SLC24A3: variants seen among roughly 807,000 people sequenced by gnomAD.
SLC24A3 encodes sodium/potassium/calcium exchanger 3.
A neutral mutation model predicts 75.8 loss-of-function variants in SLC24A3; 28 were observed. That is an observed-to-expected ratio of 0.37 (90% CI 0.27 to 0.51). The LOEUF is 0.51. Among genes scored for constraint, SLC24A3 ranks in the 20% least tolerant of loss-of-function variants. The pLI is 0.94. For missense variants in SLC24A3, 663 were observed against 847.8 expected, an observed-to-expected ratio of 0.78 and a Z score of 2.71; for synonymous variants, 372 against 334.1, an observed-to-expected ratio of 1.11 and a Z score of -1.24.
intron 2 of SLC24A3, among the ~76,000 whole-genome samples, chr20:19,351,868 T>A (rs1013935111): frequency 6.6e-6 from 1 of 152,164 alleles, no homozygotes; most frequent in Non-Finnish European, 1.5e-5. Context: ...GAGCACAGCT[T>A]CAAAACAAAA....
chr20:19,465,732 G>A (rs1325236219), intron 2 of SLC24A3, among the ~76,000 whole-genome samples: 3 of 152,124 alleles, frequency 2.0e-5, no homozygotes, highest in Non-Finnish European at 4.4e-5. Context: ...AGGCAAAGTA[G>A]CTGCCCAATT....
At chr20:19,622,843 G>A (rs2031821540) in intron 6 of SLC24A3, among the ~76,000 whole-genome samples, 1 of 152,170 alleles carries the variant, frequency 6.6e-6, no homozygotes, top group Non-Finnish European at 1.5e-5. Context: ...AGGGCTTCAA[G>A]GAACTTCCAC....
Position 19,424,745 on chromosome 20 carries a change from CAA to C in SLC24A3, c.272-90718_272-90717del, listed in dbSNP as rs528342351. Reference sequence around the variant, plus strand: ...CCCTTTCTCAAAAAAAAAACAACAACAAAAAAAAAAAAAAAAAAAAAAAAAAC... The same window carrying C: ...CCCTTTCTCAAAAAAAAAACAACAACAAAAAAAAAAAAAAAAAAAAAAAAC... On this transcript the variant is annotated intron_variant, in intron 2 of 16. Transcript: ENST00000328041. Among the ~76,000 whole-genome samples, 267 of 49,130 alleles carry C rather than the reference CAA, an allele frequency of 5.4e-3. 1 individual carries two copies. The highest frequency in any genetic ancestry group is 0.019 in the African/African-American group (242 of 12,956). 32.2% of individuals were successfully genotyped at this position (49,130 alleles called of 152,430 possible).
In SLC24A3 at chr20:19,234,353, A is replaced by G. The variant is rs368471383; in HGVS notation, c.142+21369A>G. Among the ~76,000 whole-genome samples the G allele has an allele frequency of 2.6e-5, 4 of 152,344 alleles. No homozygotes were observed. In the East Asian group the frequency reaches 5.8e-4, roughly 22 times the overall value. On this transcript the variant is annotated intron_variant, in intron 1 of 16. Transcript: ENST00000328041. ...GTATTGCCTGTGAAAGAGAAGTTTG[A>G]GAAGCACTGCTGTGAAACAGGGCAG...
intron 7 of SLC24A3, among the ~76,000 whole-genome samples, chr20:19,660,297 C>G (rs1040163522): frequency 6.6e-6 from 1 of 151,924 alleles, no homozygotes; most frequent in African/African-American, 2.4e-5. Context: ...CCCACCCCCC[C>G]ACCTTCTAAG....
In SLC24A3 at chr20:19,212,779, C is replaced by T; in HGVS notation, c.-64C>T. 1 of 977,388 alleles carries T rather than the reference C, an allele frequency of 1.0e-6. No individual in the cohort carries two copies. The highest frequency in any genetic ancestry group is 1.2e-6 in the Non-Finnish European group (1 of 825,658). The allele number at this position is 977,388 out of a possible 1,614,324, so 60.5% of individuals were successfully genotyped here. A position where few individuals can be genotyped will look rare whatever the true frequency, so the allele number is the denominator to read the frequency against. On this transcript the variant is annotated 5_prime_UTR_variant, in exon 1 of 17. Coordinates refer to ENST00000328041, the MANE Select transcript of SLC24A3 (RefSeq NM_020689.4). ...CAGGGCTGCCTCCTGCCGCTGTCCC[C>T]GCCGCGGCCGCCCGCGACAGGAGCG...
chr20:19,665,235 A>G (rs2032383808), intron 7 of SLC24A3, among the ~76,000 whole-genome samples: 3 of 152,222 alleles, frequency 2.0e-5, no homozygotes, highest in Non-Finnish European at 4.4e-5. Context: ...GGGCGCCAAC[A>G]GTGTCCAGAT....
chr20:19,515,584 T>C lies in SLC24A3; in HGVS notation c.348+20T>C, dbSNP rs759861255. 45 of 1,613,062 alleles carry C rather than the reference T, an allele frequency of 2.8e-5. No individual in the cohort carries two copies. The highest frequency in any genetic ancestry group is 3.8e-5 in the Non-Finnish European group (45 of 1,179,154). ...CTCTGTGTAAGTACCCCTCTGTGCCTCTGCCTGGAGGGTCCATAGGCTAGG... is the reference window on the plus strand; with the variant it reads ...CTCTGTGTAAGTACCCCTCTGTGCCCCTGCCTGGAGGGTCCATAGGCTAGG... On this transcript the variant is annotated intron_variant, in intron 3 of 16. Coordinates refer to ENST00000328041, the MANE Select transcript of SLC24A3 (RefSeq NM_020689.4).
At chr20:19,477,939 TACTG>T (rs1987988894) in intron 2 of SLC24A3, among the ~76,000 whole-genome samples, 1 of 152,216 alleles carries the variant, frequency 6.6e-6, no homozygotes, top group Non-Finnish European at 1.5e-5. Context: ...GGACAGTCTA[TACTG>T]GAGGATAGGA....
At chr20:19,329,198 A>T (rs541264055) in intron 2 of SLC24A3, among the ~76,000 whole-genome samples, 1 of 152,322 alleles carries the variant, frequency 6.6e-6, no homozygotes, top group African/African-American at 2.4e-5. Context: ...GTGAAGTAGT[A>T]TAGTAGTTCA....
In SLC24A3 at chr20:19,538,147, C is replaced by T. The variant is rs185240411; in HGVS notation, c.348+22583C>T. Among the ~76,000 whole-genome samples the T allele has an allele frequency of 1.9e-4, 29 of 152,214 alleles. No individual in the cohort carries two copies. In the East Asian group the frequency reaches 5.0e-3, roughly 26 times the overall value. ...GTTTCCATTGGTAAGAAGGTGGCAA[C>T]GGTCACTCAAAAGCAAGATGTTGGC... On this transcript the variant is annotated intron_variant, in intron 3 of 16. Transcript: ENST00000328041.
chr20:19,541,951 G>C (rs2030505801), intron 3 of SLC24A3, among the ~76,000 whole-genome samples: 2 of 152,140 alleles, frequency 1.3e-5, no homozygotes. Context: ...AACAGGGAGA[G>C]GAAAAAGCCT....
chr20:19,484,098 A>C (rs1014235155), intron 2 of SLC24A3, among the ~76,000 whole-genome samples: 1 of 152,218 alleles, frequency 6.6e-6, no homozygotes, highest in African/African-American at 2.4e-5. Context: ...CCAAAAGATA[A>C]ATGGATAAAT....
intron 7 of SLC24A3, among the ~76,000 whole-genome samples, chr20:19,663,428 CTCCTCCGCCTTCTCA>C (rs1568689558): frequency 5.2e-5 from 5 of 96,060 alleles, no homozygotes; most frequent in South Asian, 3.1e-4. Context: ...CCTCCTCCTC[CTCCTCCGCCTTCTCA>C]TCCTCCTCCA....
intron 3 of SLC24A3, among the ~76,000 whole-genome samples, chr20:19,533,053 G>A (rs982638880): frequency 2.6e-5 from 4 of 152,198 alleles, no homozygotes; most frequent in African/African-American, 9.7e-5. Context: ...ATCTACTGCT[G>A]CATTACAAAA....
chr20:19,532,082 A>G (rs796965766), intron 3 of SLC24A3, among the ~76,000 whole-genome samples: 2 of 152,302 alleles, frequency 1.3e-5, no homozygotes, highest in African/African-American at 4.8e-5. Flanking sequence ...CCCTCTTCCC[A>G]TGGCAATGGC....
chr20:19,695,444 T>C (rs2032793256), intron 13 of SLC24A3: 1 of 152,216 alleles, frequency 6.6e-6, no homozygotes, highest in Non-Finnish European at 1.5e-5. Flanking sequence ...ACCTCTTTTT[T>C]TGCCACCAGC....
At chr20:19,392,318 C>A (rs1186974499) in intron 2 of SLC24A3, among the ~76,000 whole-genome samples, 1 of 152,136 alleles carries the variant, frequency 6.6e-6, no homozygotes, top group Non-Finnish European at 1.5e-5. Context: ...CATTCAAATG[C>A]CTTAGTCTGC....
chr20:19,717,431 G>C, intron 15 of SLC24A3, 97 bp from the exon 16 acceptor site: 1 of 1,171,234 alleles, frequency 8.5e-7, no homozygotes, highest in South Asian at 1.3e-5. Context: ...TGGAATCACT[G>C]CTACTCAGAG....
Sources: allele counts gnomAD v4.1 joint callset (sites outside exome capture counted in the v4.1 genomes callset), GRCh38; gene constraint gnomAD v4.1.1; transcripts MANE v1.5; gene names NCBI Gene and HGNC (gene_info 2026-07-23, HGNC 2026-07-21).